The following THSD7B variants were observed in gnomAD, a reference collection of about 807,000 sequenced individuals.
THSD7B encodes the protein thrombospondin type-1 domain-containing protein 7B.
In THSD7B, 138 loss-of-function variants were observed where a neutral mutation model predicts 213.6. The observed-to-expected ratio is 0.65, with a 90% CI of 0.56 to 0.74. The LOEUF (loss-of-function observed/expected upper bound fraction) is 0.74, where lower values mean the gene tolerates loss of function less well. Ranked by LOEUF, THSD7B falls within the 30% of genes least tolerant of loss-of-function variation. THSD7B has a pLI of 0.00. For missense variants in THSD7B, 1,931 were observed against 1,991.5 expected, an observed-to-expected ratio of 0.97 and a Z score of 0.58; for synonymous variants, 742 against 687.0, an observed-to-expected ratio of 1.08 and a Z score of -1.25.
chr2:136,795,562 T>C (rs1021945047), intron 1 of THSD7B, among the ~76,000 whole-genome samples: 1 of 152,002 alleles, frequency 6.6e-6, no homozygotes, highest in Non-Finnish European at 1.5e-5. Flanking sequence ...ATCCTGCCTA[T>C]TACACTAGCA....
intron 17 of THSD7B, among the ~76,000 whole-genome samples, chr2:137,608,558 C>G (rs1053875996): frequency 2.6e-5 from 4 of 152,134 alleles, no homozygotes; most frequent in Admixed American, 2.6e-4. Context: ...AAAAGTACAC[C>G]TAGCTCGTTG....
intron 4 of THSD7B, among the ~76,000 whole-genome samples, chr2:137,106,282 A>G (rs1688249260): frequency 6.9e-6 from 1 of 145,606 alleles, no homozygotes; most frequent in African/African-American, 2.8e-5. Context: ...CCTGACACAA[A>G]CAAGCAATGG....
chr2:137,450,503 G>A (rs1336160106), intron 14 of THSD7B, among the ~76,000 whole-genome samples: 1 of 152,148 alleles, frequency 6.6e-6, no homozygotes, highest in Admixed American at 6.5e-5. Flanking sequence ...CTTCTAGACA[G>A]TGAATCGTAG....
At chr2:137,532,725 G>T (rs377584780) in intron 15 of THSD7B, among the ~76,000 whole-genome samples, 14 of 151,730 alleles carry the variant, frequency 9.2e-5, no homozygotes, top group East Asian at 3.9e-4. Flanking sequence ...GTTGTAATCT[G>T]CAGGGCTTTA....
chr2:137,580,707 C>A (rs1161930304), intron 17 of THSD7B, among the ~76,000 whole-genome samples: 3 of 152,162 alleles, frequency 2.0e-5, no homozygotes, highest in African/African-American at 4.8e-5. Flanking sequence ...TACAGTCCTG[C>A]AAGCTGTACA....
chr2:137,119,338 G>A (rs186194970), intron 5 of THSD7B, among the ~76,000 whole-genome samples: 1 of 152,288 alleles, frequency 6.6e-6, no homozygotes, highest in African/African-American at 2.4e-5. Flanking sequence ...TGTCATAAGG[G>A]TGTCCCCAGT....
intron 2 of THSD7B, among the ~76,000 whole-genome samples, chr2:136,902,718 C>T (rs1451426757): frequency 6.6e-6 from 1 of 152,144 alleles, no homozygotes; most frequent in Admixed American, 6.5e-5. Context: ...TTCTCAGTCA[C>T]AGGAGAAAGG....
At chr2:137,408,383 G>A (rs1686576458) in intron 13 of THSD7B, among the ~76,000 whole-genome samples, 2 of 149,628 alleles carry the variant, frequency 1.3e-5, no homozygotes, top group African/African-American at 5.0e-5. Context: ...ATTATTCAAT[G>A]AATATTTTTT....
At chr2:137,506,107 G>A (rs1341201246) in intron 15 of THSD7B, among the ~76,000 whole-genome samples, 1 of 152,086 alleles carries the variant, frequency 6.6e-6, no homozygotes, top group South Asian at 2.1e-4. Context: ...CGGCTGAGTG[G>A]GAGACAGGAG....
chr2:137,007,413 A>G (rs528150693), intron 2 of THSD7B, among the ~76,000 whole-genome samples: 1 of 152,200 alleles, frequency 6.6e-6, no homozygotes, highest in Non-Finnish European at 1.5e-5. Context: ...TCACATTAAC[A>G]CTAATAGAGA....
intron 3 of THSD7B, among the ~76,000 whole-genome samples, chr2:137,090,638 G>A (rs569521303): frequency 6.6e-6 from 1 of 152,154 alleles, no homozygotes; most frequent in African/African-American, 2.4e-5. Context: ...TGTGACAGGG[G>A]TCAAATTATC....
Position 137,145,814 on chromosome 2 carries a change from G to A in THSD7B, c.1370-14399G>A, listed in dbSNP as rs111376740. Among the ~76,000 whole-genome samples, 231 of 152,108 alleles carry A rather than the reference G, an allele frequency of 1.5e-3. 2 individuals carry two copies. Among genetic ancestry groups the A allele is most frequent in the Middle Eastern group, 6.8e-3 (2 of 294 alleles). On this transcript the variant is annotated intron_variant, in intron 5 of 27. Coordinates refer to ENST00000409968, the MANE Select transcript of THSD7B (RefSeq NM_001316349.2). Reference sequence around the variant, plus strand: ...TGTCCTTTTAGAAATATGTAATAACGCTTTCAGAATCAGTGTTTATTTGCA... The same window carrying A: ...TGTCCTTTTAGAAATATGTAATAACACTTTCAGAATCAGTGTTTATTTGCA...
rs73958341 is a variant in THSD7B at position 137,116,144 on chromosome 2, A to T, written c.1369+851A>T. Among the ~76,000 whole-genome samples the T allele has an allele frequency of 4.2e-3, 639 of 152,252 alleles. 3 individuals are homozygous for T. The highest frequency in any genetic ancestry group is 0.015 in the African/African-American group (613 of 41,544). On this transcript the variant is annotated intron_variant, in intron 5 of 27. Coordinates refer to ENST00000409968, the MANE Select transcript of THSD7B (RefSeq NM_001316349.2). ...AATTCTGTAAAGCTTGTCATGCTAG[A>T]TGTCTTTGTGTGACATAGCTTTGCA...
At chr2:137,558,644 A>T (rs1681038488) in intron 15 of THSD7B, among the ~76,000 whole-genome samples, 1 of 152,238 alleles carries the variant, frequency 6.6e-6, no homozygotes, top group Non-Finnish European at 1.5e-5. Flanking sequence ...TTCCCTTTGA[A>T]AACTGGCACA....
rs59620213 is a variant in THSD7B at position 137,575,725 on chromosome 2, C to CACACATATATATATATAT, written c.3423+3170_3423+3171insCACATATATATATATATA. On this transcript the variant is annotated intron_variant, in intron 17 of 27. Coordinates refer to ENST00000409968, the MANE Select transcript of THSD7B (RefSeq NM_001316349.2). Reference sequence around the variant, plus strand: ...TGTTTTTTCTTATTCCCATAACACACATATATATATATATATATTTTTACT... The same window carrying CACACATATATATATATAT: ...TGTTTTTTCTTATTCCCATAACACACACACATATATATATATATATATATATATATATATATTTTTACT... Among the ~76,000 whole-genome samples the CACACATATATATATATAT allele has an allele frequency of 8.8e-4, 98 of 110,844 alleles. 2 individuals are homozygous for CACACATATATATATATAT. Among genetic ancestry groups the CACACATATATATATATAT allele is most frequent in the African/African-American group, 2.4e-3 (78 of 32,162 alleles). 72.7% of individuals were successfully genotyped at this position (110,844 alleles called of 152,430 possible). A position where few individuals can be genotyped will look rare whatever the true frequency, so the allele number is the denominator to read the frequency against.
chr2:137,487,393 A>AAAG (rs1688482270), intron 15 of THSD7B, among the ~76,000 whole-genome samples: 1 of 143,360 alleles, frequency 7.0e-6, no homozygotes, highest in Non-Finnish European at 1.5e-5. Flanking sequence ...AAAAAAAAAA[A>AAAG]AAAAAAGAAC....
At chr2:136,893,646 A>G (rs549984170) in intron 2 of THSD7B, among the ~76,000 whole-genome samples, 90 of 152,272 alleles carry the variant, frequency 5.9e-4, no homozygotes, top group African/African-American at 2.2e-3. Flanking sequence ...GCCATAAACC[A>G]CAGTCAATTT....
chr2:137,495,119 T>C (rs1679530130), intron 15 of THSD7B, among the ~76,000 whole-genome samples: 1 of 152,208 alleles, frequency 6.6e-6, no homozygotes, highest in South Asian at 2.1e-4. Context: ...GTGCTAAGTA[T>C]TGTGTATTCA....
chr2:137,094,307 A>G (rs1390139886), intron 3 of THSD7B, among the ~76,000 whole-genome samples: 4 of 152,234 alleles, frequency 2.6e-5, no homozygotes, highest in Non-Finnish European at 4.4e-5. Flanking sequence ...GCGATGGCTC[A>G]TGCCTGTAGT....
Sources: gnomAD v4.1 joint callset for allele counts (sites outside exome capture counted in the v4.1 genomes callset) on GRCh38, gnomAD v4.1.1 for gene constraint, MANE v1.5 for transcripts, NCBI Gene and HGNC (gene_info 2026-07-23, HGNC 2026-07-21) for gene names.